The following SYT1 variants were observed in gnomAD, a reference collection of about 807,000 sequenced individuals.
SYT1 encodes synaptotagmin 1.
In SYT1, 8 loss-of-function variants were observed where a neutral mutation model predicts 44.8. That is an observed-to-expected ratio of 0.18 (90% CI 0.10 to 0.32). SYT1 has a LOEUF of 0.32. SYT1 is among the 10% of genes least tolerant of loss of function. The pLI is 1.00. For synonymous variants in SYT1, 154 were observed against 188.8 expected (o/e 0.82, Z 1.51); for missense variants, 286 against 509.3 (o/e 0.56, Z 4.22).
At chr12:79,279,652 C>A (rs543021555) in intron 4 of SYT1, among the ~76,000 whole-genome samples, 1 of 152,092 alleles carries the variant, frequency 6.6e-6, no homozygotes, top group East Asian at 1.9e-4. Context: ...AGGTCTTAGC[C>A]AGAACAATCA....
intron 9 of SYT1, among the ~76,000 whole-genome samples, chr12:79,440,178 A>G (rs1870329673): frequency 6.6e-6 from 1 of 152,212 alleles, no homozygotes; most frequent in South Asian, 2.1e-4. Flanking sequence ...AGACTGTGCC[A>G]CTGCACTCCA....
At chr12:79,372,782 T>C (rs1434255480) in intron 9 of SYT1, among the ~76,000 whole-genome samples, 1 of 152,136 alleles carries the variant, frequency 6.6e-6, no homozygotes, top group Non-Finnish European at 1.5e-5. Flanking sequence ...GAGGAAACCA[T>C]ACCCACAACA....
Position 79,054,916 on chromosome 12 carries a change from A to G in SYT1, c.-18+7554A>G, listed in dbSNP as rs188518829. ...GGAAATTGAGTAAAATGGGTTTCCCACAATCATTATTATTCATGATAAATC... is the reference window on the plus strand; with the variant it reads ...GGAAATTGAGTAAAATGGGTTTCCCGCAATCATTATTATTCATGATAAATC... On this transcript the variant is annotated intron_variant, in intron 3 of 10. Transcript: ENST00000261205. 9.9e-5 allele frequency among the ~76,000 whole-genome samples: 15 copies of G among 152,084 alleles called. No individual in the cohort carries two copies. The East Asian group carries it at 2.5e-3, about 25-fold the overall frequency.
At chr12:79,036,239 T>C (rs1484571003) in intron 2 of SYT1, among the ~76,000 whole-genome samples, 1 of 151,734 alleles carries the variant, frequency 6.6e-6, no homozygotes, top group Non-Finnish European at 1.5e-5. Context: ...CATGTGTAAG[T>C]AAGTGTTGAA....
chr12:79,306,268 T>C (rs961230206), intron 8 of SYT1, among the ~76,000 whole-genome samples: 11 of 152,250 alleles, frequency 7.2e-5, no homozygotes, highest in African/African-American at 2.7e-4. Context: ...CTTTAAAAGA[T>C]ACCCAGTCAT....
chr12:78,866,057 C>T (rs189281662), intron 1 of SYT1, among the ~76,000 whole-genome samples: 1 of 152,228 alleles, frequency 6.6e-6, no homozygotes, highest in East Asian at 1.9e-4. Context: ...TGGATTTCTA[C>T]TTTGAGAAAG....
chr12:79,199,527 A>T (rs969486729), intron 3 of SYT1, among the ~76,000 whole-genome samples: 5 of 152,108 alleles, frequency 3.3e-5, no homozygotes, highest in African/African-American at 9.7e-5. Context: ...CACCATAGAA[A>T]TGCCCTATCA....
chr12:79,093,143 T>C (rs1416854785), intron 3 of SYT1, among the ~76,000 whole-genome samples: 2 of 151,692 alleles, frequency 1.3e-5, no homozygotes, highest in Non-Finnish European at 3.0e-5. Flanking sequence ...TAACTTAGCG[T>C]ATTAAATAGG....
intron 8 of SYT1, among the ~76,000 whole-genome samples, chr12:79,332,956 G>C (rs1297684336): frequency 6.6e-6 from 1 of 152,138 alleles, no homozygotes. Context: ...CTATCCAGTA[G>C]ATGCAACATG....
chr12:79,007,927 T>C (rs912057155), intron 2 of SYT1, among the ~76,000 whole-genome samples: 9 of 152,108 alleles, frequency 5.9e-5, no homozygotes, highest in African/African-American at 1.9e-4. Flanking sequence ...TTTCTAAGTG[T>C]CTGGCACTGG....
chr12:79,013,856 C>A (rs545817817), intron 2 of SYT1, among the ~76,000 whole-genome samples: 129 of 152,006 alleles, frequency 8.5e-4, no homozygotes, highest in African/African-American at 2.8e-3. Context: ...GGCCGGACGC[C>A]GTGGCTCACG....
intron 2 of SYT1, among the ~76,000 whole-genome samples, chr12:79,034,150 A>C (rs1872982103): frequency 6.6e-6 from 1 of 151,540 alleles, no homozygotes; most frequent in South Asian, 2.1e-4. Flanking sequence ...CAAAAGCCCC[A>C]GGAAAACTGA....
chr12:78,888,753 A>T (rs1160801774), intron 1 of SYT1, among the ~76,000 whole-genome samples: 3 of 151,808 alleles, frequency 2.0e-5, no homozygotes, highest in East Asian at 3.9e-4. Flanking sequence ...GTCATGGTTC[A>T]TCAGGAAACC....
chr12:78,927,327 CCA>C (rs1202848899), intron 1 of SYT1, among the ~76,000 whole-genome samples: 14 of 152,084 alleles, frequency 9.2e-5, no homozygotes, highest in African/African-American at 3.4e-4. Context: ...ACATTGAACC[CCA>C]GATTTCCTTG....
chr12:79,017,662 G>A (rs377680827), intron 2 of SYT1, among the ~76,000 whole-genome samples: 2 of 152,038 alleles, frequency 1.3e-5, no homozygotes, highest in Admixed American at 6.6e-5. Flanking sequence ...GGAGGAAGAG[G>A]TTGGAAATAT....
intron 9 of SYT1, among the ~76,000 whole-genome samples, chr12:79,377,381 G>A (rs565954161): frequency 9.8e-5 from 15 of 152,320 alleles, no homozygotes; most frequent in African/African-American, 3.4e-4. Context: ...AAAGTTCTAG[G>A]ATTACGGTAA....
chr12:79,315,428 T>C (rs1275370566), intron 8 of SYT1, among the ~76,000 whole-genome samples: 1 of 152,102 alleles, frequency 6.6e-6, no homozygotes, highest in Non-Finnish European at 1.5e-5. Flanking sequence ...TGTTACTCAG[T>C]TTGGCCTCAA....
Position 79,449,011 on chromosome 12 carries a change from G to A in SYT1, c.1156G>A (p.Ala386Thr), listed in dbSNP as rs768372180. ...CTTTGTGGGCTACAACAGCACCGGCGCGGAGCTGCGACACTGGTCAGACAT... is the reference window on the plus strand; with the variant it reads ...CTTTGTGGGCTACAACAGCACCGGCACGGAGCTGCGACACTGGTCAGACAT... ...KVFVGYNSTG[A>T]ELRHWSDMLA... Residue 386 changes from alanine (A) to threonine (T), a missense_variant, in exon 11 of 11, where the codon GCG becomes ACG. This residue lies in a region of SYT1 where 34 missense variants were observed against 59.0 expected (regional missense o/e 0.58). Coordinates refer to ENST00000261205, the MANE Select transcript of SYT1 (RefSeq NM_005639.3). 6.2e-6 allele frequency: 10 copies of A among 1,614,224 alleles called. No homozygotes were observed. Among genetic ancestry groups the A allele is most frequent in the East Asian group, 2.2e-5 (1 of 44,876 alleles).
chr12:78,913,828 A>G (rs1876486270), intron 1 of SYT1, among the ~76,000 whole-genome samples: 1 of 151,932 alleles, frequency 6.6e-6, no homozygotes, highest in Non-Finnish European at 1.5e-5. Flanking sequence ...ATCACTAGTC[A>G]CATACATGGG....
Sources: gnomAD v4.1 joint callset for allele counts (sites outside exome capture counted in the v4.1 genomes callset) on GRCh38, gnomAD v4.1.1 for gene constraint, gnomAD v4.1.1 regional missense constraint, MANE v1.5 for transcripts, NCBI Gene and HGNC (gene_info 2026-07-23, HGNC 2026-07-21) for gene names.